The following CAPZA2 variants were observed in gnomAD, a reference collection of about 807,000 sequenced individuals.
CAPZA2 encodes the protein F-actin-capping protein subunit alpha-2.
A neutral mutation model predicts 44.0 loss-of-function variants in CAPZA2; 13 were observed. The observed-to-expected ratio is 0.30, with a 90% CI of 0.19 to 0.47. The LOEUF (loss-of-function observed/expected upper bound fraction) is 0.47, where lower values mean the gene tolerates loss of function less well. Among genes scored for constraint, CAPZA2 ranks in the 20% least tolerant of loss-of-function variants. The pLI is 1.00. For synonymous variants in CAPZA2, 94 were observed against 108.2 expected, an observed-to-expected ratio of 0.87 and a Z score of 0.81; for missense variants, 244 against 338.6, an observed-to-expected ratio of 0.72 and a Z score of 2.19.
In CAPZA2 at chr7:116,879,146, A is replaced by G. The variant is rs1332157819; in HGVS notation, c.40-8981A>G. Among the ~76,000 whole-genome samples, 6 of 148,928 alleles carry G rather than the reference A, an allele frequency of 4.0e-5. No individual in the cohort carries two copies. In the East Asian group the frequency reaches 9.8e-4, roughly 24 times the overall value. Reference sequence around the variant, plus strand: ...TCTCAAAAAAAAAAAAAAAAAAAAAAAAAGAAAAGAATACTGGGACTATGC... The same window carrying G: ...TCTCAAAAAAAAAAAAAAAAAAAAAGAAAGAAAAGAATACTGGGACTATGC... On this transcript the variant is annotated intron_variant, in intron 1 of 9. Coordinates refer to ENST00000361183, the MANE Select transcript of CAPZA2 (RefSeq NM_006136.3).
intron 1 of CAPZA2, chr7:116,874,010 T>G (rs987550743): frequency 2.6e-5 from 4 of 152,802 alleles, no homozygotes; most frequent in African/African-American, 9.7e-5. Context: ...AGGTGTAAGA[T>G]TGTACATTTC....
chr7:116,875,117 A>G (rs944946955), intron 1 of CAPZA2: 1 of 151,680 alleles, frequency 6.6e-6, no homozygotes, highest in Non-Finnish European at 1.5e-5. Context: ...TGGAATCAAC[A>G]TTATCTGGTT....
chr7:116,902,571 T>C (rs1797010447), intron 4 of CAPZA2, among the ~76,000 whole-genome samples: 1 of 152,164 alleles, frequency 6.6e-6, no homozygotes, highest in East Asian at 1.9e-4. Flanking sequence ...CATACTCTCA[T>C]ATATGTGTAG....
chr7:116,878,798 A>T (rs1796652729), intron 1 of CAPZA2, among the ~76,000 whole-genome samples: 1 of 152,174 alleles, frequency 6.6e-6, no homozygotes, highest in Admixed American at 6.6e-5. Flanking sequence ...AAACTAACAT[A>T]TAATCACTTG....
At chr7:116,887,387 G>T (rs1338380908) in intron 1 of CAPZA2, among the ~76,000 whole-genome samples, 1 of 152,004 alleles carries the variant, frequency 6.6e-6, no homozygotes, top group Non-Finnish European at 1.5e-5. Flanking sequence ...AATTATCCAG[G>T]TGTGGTGGCA....
At chr7:116,872,302 T>C (rs1796563471) in intron 1 of CAPZA2, among the ~76,000 whole-genome samples, 1 of 152,212 alleles carries the variant, frequency 6.6e-6, no homozygotes. Flanking sequence ...TAAAGAATAG[T>C]TTACATAACT....
chr7:116,879,872 C>T (rs758032848), intron 1 of CAPZA2, among the ~76,000 whole-genome samples: 2 of 152,176 alleles, frequency 1.3e-5, no homozygotes, highest in Non-Finnish European at 2.9e-5. Flanking sequence ...TAGATTTATT[C>T]AACCTGTAAT....
At position 116,884,840 on chromosome 7, in the gene CAPZA2, C is replaced by T. The variant is rs868526929; in HGVS notation, c.40-3287C>T. Among the ~76,000 whole-genome samples the T allele has an allele frequency of 1.8e-4, 27 of 152,186 alleles. 1 individual carries two copies. The highest frequency in any genetic ancestry group is 6.0e-4 in the African/African-American group (25 of 41,436). The stretch of plus-strand genomic sequence containing the variant: ...AGAAATGGCCAAACTGTTTTCCATA[C>T]TGGTTGAATGATTTTGCATTTCCAC... On this transcript the variant is annotated intron_variant, in intron 1 of 9. Coordinates refer to ENST00000361183, the MANE Select transcript of CAPZA2 (RefSeq NM_006136.3).
rs1796787480 is a variant in CAPZA2, at chr7:116,888,155, A to G, written c.68A>G (p.His23Arg). 1.9e-6 allele frequency: 3 copies of G among 1,611,594 alleles called. No individual in the cohort carries two copies. The highest frequency in any genetic ancestry group is 2.5e-6 in the Non-Finnish European group (3 of 1,178,732). Residue 23 changes from histidine to arginine, a missense_variant, in exon 2 of 10, where the codon CAT becomes CGT. Coordinates refer to ENST00000361183, the MANE Select transcript of CAPZA2 (RefSeq NM_006136.3). ...CGTATAGCAGCAAAATTCATCATTC[A>G]TGCCCCTCCTGGAGAATTTAATGAG... ...KVRIAAKFII[H>R]APPGEFNEVF...
intron 1 of CAPZA2, among the ~76,000 whole-genome samples, chr7:116,864,795 T>C (rs548738512): frequency 6.6e-6 from 1 of 152,246 alleles, no homozygotes; most frequent in East Asian, 1.9e-4. Flanking sequence ...TGCCAACTAC[T>C]CTGGATGCCA....
At chr7:116,899,522 A>G (rs982857436) in intron 4 of CAPZA2, among the ~76,000 whole-genome samples, 4 of 151,810 alleles carry the variant, frequency 2.6e-5, no homozygotes, top group Admixed American at 6.6e-5. Flanking sequence ...GGGGACAAGC[A>G]AAGACTAGGC....
At chr7:116,887,230 T>G (rs1796774317) in intron 1 of CAPZA2, among the ~76,000 whole-genome samples, 1 of 152,200 alleles carries the variant, frequency 6.6e-6, no homozygotes. Flanking sequence ...ATAAAATTCC[T>G]TATAAGAAAT....
At chr7:116,910,403 A>C in intron 7 of CAPZA2, 92 bp downstream of exon 7, 1 of 660,254 alleles carries the variant, frequency 1.5e-6, no homozygotes, top group Non-Finnish European at 2.7e-6. Context: ...TATATCATAC[A>C]CATTTCTTTT....
At chr7:116,907,780 T>C (rs540371305) in intron 6 of CAPZA2, among the ~76,000 whole-genome samples, 3 of 152,300 alleles carry the variant, frequency 2.0e-5, no homozygotes, top group African/African-American at 4.8e-5. Flanking sequence ...GCCCAACTTG[T>C]CATTGAATTT....
At chr7:116,878,017 CTGTA>C (rs1724188695) in intron 1 of CAPZA2, among the ~76,000 whole-genome samples, 1 of 152,154 alleles carries the variant, frequency 6.6e-6, no homozygotes, top group South Asian at 2.1e-4. Context: ...ATGTGACTGA[CTGTA>C]GGAGAGAAGT....
intron 1 of CAPZA2, chr7:116,875,552 A>AT (rs1210098560): frequency 1.6e-4 from 22 of 136,486 alleles, no homozygotes; most frequent in Admixed American, 6.6e-4. Flanking sequence ...TTTTTTTTTT[A>AT]TTTTTTGTTT....
chr7:116,889,767 G>GT (rs1796806931), intron 2 of CAPZA2, among the ~76,000 whole-genome samples: 1 of 152,116 alleles, frequency 6.6e-6, no homozygotes, highest in Non-Finnish European at 1.5e-5. Context: ...CTACTGAGCT[G>GT]TACTTAGAAG....
chr7:116,913,986 C>T (rs913656916), intron 8 of CAPZA2, among the ~76,000 whole-genome samples: 1 of 151,272 alleles, frequency 6.6e-6, no homozygotes, highest in Non-Finnish European at 1.5e-5. Flanking sequence ...GTATTATAAA[C>T]ATCAACTGCT....
intron 1 of CAPZA2, chr7:116,874,652 CAAAA>C (rs1301603726): frequency 6.6e-6 from 1 of 152,178 alleles, no homozygotes; most frequent in East Asian, 1.9e-4. Context: ...TGACACTTGA[CAAAA>C]AGAAAGTAGT....
Sources: allele counts gnomAD v4.1 joint callset (sites outside exome capture counted in the v4.1 genomes callset), GRCh38; gene constraint gnomAD v4.1.1; transcripts MANE v1.5; gene names NCBI Gene and HGNC (gene_info 2026-07-23, HGNC 2026-07-21).